Variants in DCAF10 observed in about 807,000 individuals in gnomAD.
DCAF10 encodes the protein DDB1- and CUL4-associated factor 10.
A neutral mutation model predicts 51.9 loss-of-function variants in DCAF10; 19 were observed. The ratio of observed to expected loss-of-function variants is 0.37; its 90% confidence interval spans 0.26 to 0.54. DCAF10 has a LOEUF of 0.54. Ranked by LOEUF, DCAF10 falls within the 20% of genes least tolerant of loss-of-function variation. DCAF10 has a pLI of 0.87. For synonymous variants in DCAF10, 291 were observed against 297.1 expected (o/e 0.98, Z 0.21); for missense variants, 510 against 730.6 (o/e 0.70, Z 3.48).
At position 37,850,872 on chromosome 9, in the gene DCAF10, A is replaced by ATG. The variant is rs1830627615; in HGVS notation, c.852-3907_852-3906insGT. Among the ~76,000 whole-genome samples, 2 of 85,642 alleles carry ATG rather than the reference A, an allele frequency of 2.3e-5. 1 individual carries two copies. Among genetic ancestry groups the ATG allele is most frequent in the Non-Finnish European group, 4.6e-5 (2 of 43,016 alleles). 56.2% of individuals were successfully genotyped at this position (85,642 alleles called of 152,430 possible). On this transcript the variant is annotated intron_variant, in intron 3 of 6. Coordinates refer to ENST00000377724, the MANE Select transcript of DCAF10 (RefSeq NM_024345.5). The stretch of plus-strand genomic sequence containing the variant: ...TATATATATATATATATATATATAT[A>ATG]TATATATATAAATTAGCTTGATTTA...
In DCAF10 at chr9:37,866,591, G is replaced by A. The variant is rs1188068039; in HGVS notation, c.*5083G>A. ...TATGAGCTTTGGACATGAGATAACC[G>A]TGCCTGTTCAGAGTGTCTACAGTAA... On this transcript the variant is annotated 3_prime_UTR_variant, in exon 7 of 7. Coordinates refer to ENST00000377724, the MANE Select transcript of DCAF10 (RefSeq NM_024345.5). The A allele has an allele frequency of 2.6e-5, 4 of 152,352 alleles. No individual in the cohort carries two copies. The highest frequency in any genetic ancestry group is 1.9e-4 in the East Asian group (1 of 5,202). 9.4% of individuals were successfully genotyped at this position (152,352 alleles called of 1,614,324 possible). A position where few individuals can be genotyped will look rare whatever the true frequency, so the allele number is the denominator to read the frequency against.
intron 2 of DCAF10, 56 bp from the exon 3 acceptor site, chr9:37,842,033 A>C: frequency 6.5e-7 from 1 of 1,532,150 alleles, no homozygotes; most frequent in South Asian, 1.3e-5. Flanking sequence ...TCTCAAATCA[A>C]TTTTCCTTTA....
chr9:37,855,988 G>A (rs758864751), intron 4 of DCAF10, among the ~76,000 whole-genome samples: 19 of 151,900 alleles, frequency 1.3e-4, no homozygotes, highest in Non-Finnish European at 2.5e-4. Flanking sequence ...CTGTCTCTAC[G>A]AAAAACACAA....
chr9:37,846,268 G>C (rs1183879141), intron 3 of DCAF10, among the ~76,000 whole-genome samples: 1 of 152,066 alleles, frequency 6.6e-6, no homozygotes, highest in African/African-American at 2.4e-5. Flanking sequence ...TGTTTCAAAT[G>C]AGGAATAAGA....
intron 4 of DCAF10, among the ~76,000 whole-genome samples, chr9:37,856,022 G>A (rs1264754856): frequency 6.6e-6 from 1 of 152,136 alleles, no homozygotes; most frequent in African/African-American, 2.4e-5. Flanking sequence ...ATGCTAGCAT[G>A]CATCTGTAGT....
chr9:37,857,438 GT>G, intron 5 of DCAF10, 87 bp downstream of exon 5: 1 of 966,912 alleles, frequency 1.0e-6, no homozygotes, highest in Non-Finnish European at 1.5e-6. Flanking sequence ...CAGTTTTATG[GT>G]TTTAATCCAT....
chr9:37,837,276 C>T (rs1201684519), intron 2 of DCAF10, among the ~76,000 whole-genome samples: 2 of 151,740 alleles, frequency 1.3e-5, no homozygotes, highest in Non-Finnish European at 2.9e-5. Flanking sequence ...CTGGCTAACA[C>T]GGTGAAACCC....
At chr9:37,844,624 C>T (rs1392507114) in intron 3 of DCAF10, among the ~76,000 whole-genome samples, 1 of 152,088 alleles carries the variant, frequency 6.6e-6, no homozygotes, top group Non-Finnish European at 1.5e-5. Context: ...GTACTCCAGC[C>T]TGGGCCACAG....
At chr9:37,842,033 A>G (rs753756628) in intron 2 of DCAF10, 56 bp from the exon 3 acceptor site, 3 of 1,532,150 alleles carry the variant, frequency 2.0e-6, no homozygotes, top group Non-Finnish European at 2.6e-6. Flanking sequence ...TCTCAAATCA[A>G]TTTTCCTTTA....
intron 2 of DCAF10, among the ~76,000 whole-genome samples, chr9:37,828,110 G>A (rs1432472426): frequency 1.3e-5 from 2 of 152,008 alleles, no homozygotes; most frequent in African/African-American, 2.4e-5. Flanking sequence ...CTGGTCTGAC[G>A]CTGCTGACCT....
chr9:37,843,463 T>C (rs192740245), intron 3 of DCAF10, among the ~76,000 whole-genome samples: 87 of 152,336 alleles, frequency 5.7e-4, no homozygotes, highest in Non-Finnish European at 8.2e-4. Context: ...TAAATGAATT[T>C]GTTTACTAAA....
chr9:37,804,871 G>C (rs184047606), intron 1 of DCAF10, among the ~76,000 whole-genome samples: 61 of 152,030 alleles, frequency 4.0e-4, no homozygotes, highest in African/African-American at 1.4e-3. Flanking sequence ...AGAGACAGTG[G>C]TAATTATTTC....
At chr9:37,856,151 T>A (rs148670625) in intron 4 of DCAF10, among the ~76,000 whole-genome samples, 1 of 151,804 alleles carries the variant, frequency 6.6e-6, no homozygotes, top group East Asian at 1.9e-4. Context: ...AGACCCTGTG[T>A]CCAAAAAAAA....
chr9:37,853,004 T>A (rs911438954), intron 3 of DCAF10, among the ~76,000 whole-genome samples: 5 of 147,540 alleles, frequency 3.4e-5, no homozygotes, highest in South Asian at 2.2e-4. Flanking sequence ...TATATACATA[T>A]TTGAAACATC....
At chr9:37,858,036 G>GC (rs1389189607) in intron 5 of DCAF10, among the ~76,000 whole-genome samples, 1 of 148,722 alleles carries the variant, frequency 6.7e-6, no homozygotes, top group African/African-American at 2.6e-5. Flanking sequence ...GAGATGGCTT[G>GC]CTTTTTTTTT....
At position 37,862,267 on chromosome 9, in the gene DCAF10, T is replaced by C. The variant is rs1831039607; in HGVS notation, c.*759T>C. On this transcript the variant is annotated 3_prime_UTR_variant, in exon 7 of 7. Coordinates refer to ENST00000377724, the MANE Select transcript of DCAF10 (RefSeq NM_024345.5). ...ATCCTTACTTGATATTTTGTTCCTA[T>C]CAACAGCATTAGAAAGGAAAGGAGA... The C allele has an allele frequency of 6.6e-6, 1 of 152,658 alleles. No individual in the cohort carries two copies. The highest frequency in any genetic ancestry group is 1.9e-4 in the East Asian group (1 of 5,202). 9.5% of individuals were successfully genotyped at this position (152,658 alleles called of 1,614,324 possible).
intron 1 of DCAF10, among the ~76,000 whole-genome samples, chr9:37,818,336 C>T (rs957179307): frequency 1.3e-5 from 2 of 152,114 alleles, no homozygotes; most frequent in African/African-American, 4.8e-5. Context: ...CCCACTTTAC[C>T]TAAAAAGTTT....
At chr9:37,839,246 G>A (rs916181206) in intron 2 of DCAF10, among the ~76,000 whole-genome samples, 1 of 151,782 alleles carries the variant, frequency 6.6e-6, no homozygotes, top group Non-Finnish European at 1.5e-5. Flanking sequence ...ATTTTTAGTA[G>A]AGACAGGGTT....
chr9:37,836,201 G>T, intron 2 of DCAF10: 1 of 1,488,548 alleles, frequency 6.7e-7, no homozygotes, highest in South Asian at 1.1e-5. Flanking sequence ...AGTATGAAAT[G>T]AGAACACTTT....
Sources: allele counts gnomAD v4.1 joint callset (sites outside exome capture counted in the v4.1 genomes callset), GRCh38; gene constraint gnomAD v4.1.1; transcripts MANE v1.5; gene names NCBI Gene and HGNC (gene_info 2026-07-23, HGNC 2026-07-21).